Variants in CTNNBIP1 observed in about 807,000 individuals in gnomAD.
CTNNBIP1 encodes the protein beta-catenin-interacting protein 1.
Under a neutral mutation model 11.8 loss-of-function variants are expected in CTNNBIP1, and 7 were observed. The observed-to-expected ratio is 0.60, with a 90% CI of 0.34 to 1.12. The LOEUF (loss-of-function observed/expected upper bound fraction) is 1.12. CTNNBIP1 is among the 50% of genes most tolerant of loss of function. CTNNBIP1 has a pLI of 0.03. For synonymous variants in CTNNBIP1, 58 were observed against 43.9 expected (o/e 1.32, Z -1.26); for missense variants, 101 against 113.4 (o/e 0.89, Z 0.50).
chr1:9,871,085 A>C lies in CTNNBIP1; in HGVS notation c.187+102T>G, dbSNP rs759421005. 4 of 840,854 alleles carry C rather than the reference A, an allele frequency of 4.8e-6. No individual in the cohort carries two copies. Among genetic ancestry groups the C allele is most frequent in the Non-Finnish European group, 7.4e-6 (4 of 537,728 alleles). 52.1% of individuals were successfully genotyped at this position (840,854 alleles called of 1,614,324 possible). On this transcript the variant is annotated intron_variant, in intron 5 of 5. Coordinates refer to ENST00000377263, the MANE Select transcript of CTNNBIP1 (RefSeq NM_020248.3). This position sits in a 1 kb window ranked among gnomAD's most constrained non-coding sequence, Gnocchi z 5.2. ...TCCTAGTCAGCCCTGGGTCTCATGG[A>C]TCACCCATCAAAGAGGGCTGGAGCT...
chr1:9,894,824 T>C (rs1639376265), intron 1 of CTNNBIP1, among the ~76,000 whole-genome samples: 1 of 152,040 alleles, frequency 6.6e-6, no homozygotes, highest in South Asian at 2.1e-4. Context: ...CACTGCAATT[T>C]CCGCCTCCCG....
intron 5 of CTNNBIP1, among the ~76,000 whole-genome samples, chr1:9,862,834 GA>G (rs1359927004): frequency 6.6e-6 from 1 of 152,234 alleles, no homozygotes; most frequent in African/African-American, 2.4e-5. Flanking sequence ...GGGCAGTGCT[GA>G]GGGGTGGCAC....
chr1:9,849,160 C>T lies in CTNNBIP1; in HGVS notation c.*1558G>A, dbSNP rs1177362885. On this transcript the variant is annotated 3_prime_UTR_variant, in exon 6 of 6. Transcript: ENST00000377263. ...GGGAGATAGGAGGACCACCTCCCTC[C>T]CAGGGAAGGGGGTGGCAGGTGGAAG... 1 of 152,258 alleles carries T rather than the reference C, an allele frequency of 6.6e-6. No individual in the cohort carries two copies. Among genetic ancestry groups the T allele is most frequent in the Non-Finnish European group, 1.5e-5 (1 of 68,114 alleles). 9.4% of individuals were successfully genotyped at this position (152,258 alleles called of 1,614,324 possible). A position where few individuals can be genotyped will look rare whatever the true frequency, so the allele number is the denominator to read the frequency against.
At position 9,850,654 on chromosome 1, in the gene CTNNBIP1, G is replaced by T; in HGVS notation, c.*64C>A. 6.6e-7 allele frequency: 1 copy of T among 1,504,740 alleles called. No homozygotes were observed. The highest frequency in any genetic ancestry group is 9.3e-7 in the Non-Finnish European group (1 of 1,080,854). The allele number at this position is 1,504,740 out of a possible 1,614,324, so 93.2% of individuals were successfully genotyped here. ...AAGGGGGGCTGCTGCCACTCAGCCG[G>T]CCCAGGAGCCACACAGATCTCTTGG... On this transcript the variant is annotated 3_prime_UTR_variant, in exon 6 of 6. Coordinates refer to ENST00000377263, the MANE Select transcript of CTNNBIP1 (RefSeq NM_020248.3).
In CTNNBIP1 at chr1:9,872,219, G is replaced by A. The variant is rs1191317359; in HGVS notation, c.-24-131C>T. The A allele has an allele frequency of 6.2e-6, 4 of 649,740 alleles. No homozygotes were observed. The highest frequency in any genetic ancestry group is 3.6e-5 in the African/African-American group (2 of 55,678). The allele number at this position is 649,740 out of a possible 1,614,324, so 40.2% of individuals were successfully genotyped here. On this transcript the variant is annotated intron_variant, in intron 3 of 5. Coordinates refer to ENST00000377263, the MANE Select transcript of CTNNBIP1 (RefSeq NM_020248.3). The surrounding 1 kb of genome is among the most constrained non-coding windows in gnomAD (Gnocchi z 4.0). ...CCACAGTCTCCCTTCTGGGAGCATGGGGCAGGTGGCGAGGTGCTGGGTTCC... is the reference window on the plus strand; with the variant it reads ...CCACAGTCTCCCTTCTGGGAGCATGAGGCAGGTGGCGAGGTGCTGGGTTCC...
intron 1 of CTNNBIP1, among the ~76,000 whole-genome samples, chr1:9,899,117 G>C (rs927161251): frequency 4.6e-5 from 7 of 152,118 alleles, no homozygotes; most frequent in Non-Finnish European, 8.8e-5. Flanking sequence ...GGGAACCTGA[G>C]GATATGGAAG....
intron 1 of CTNNBIP1, among the ~76,000 whole-genome samples, chr1:9,907,594 T>C (rs1360143525): frequency 1.3e-5 from 2 of 152,148 alleles, no homozygotes; most frequent in African/African-American, 4.8e-5. Flanking sequence ...ATTTAAACAA[T>C]ACAACCGGAT....
intron 5 of CTNNBIP1, among the ~76,000 whole-genome samples, chr1:9,860,776 G>A (rs181633776): frequency 5.3e-5 from 8 of 152,202 alleles, no homozygotes; most frequent in East Asian, 3.9e-4. Flanking sequence ...TTCCCAGGAC[G>A]GTGTCAGACA....
At chr1:9,906,759 T>A (rs1410130131) in intron 1 of CTNNBIP1, among the ~76,000 whole-genome samples, 1 of 152,124 alleles carries the variant, frequency 6.6e-6, no homozygotes, top group African/African-American at 2.4e-5. Flanking sequence ...ATGAGGAGTC[T>A]ACAAGAAGCA....
chr1:9,873,598 C>T (rs377593797), intron 3 of CTNNBIP1, among the ~76,000 whole-genome samples: 1 of 152,156 alleles, frequency 6.6e-6, no homozygotes. Context: ...CCTTGCACCC[C>T]GAACCTGGGT....
Position 9,850,612 on chromosome 1 carries a change from G to A in CTNNBIP1, c.*106C>T. 3 of 961,068 alleles carry A rather than the reference G, an allele frequency of 3.1e-6. No individual in the cohort carries two copies. The highest frequency in any genetic ancestry group is 3.3e-6 in the Non-Finnish European group (2 of 605,256). The allele number at this position is 961,068 out of a possible 1,614,324, so 59.5% of individuals were successfully genotyped here. On this transcript the variant is annotated 3_prime_UTR_variant, in exon 6 of 6. Coordinates refer to ENST00000377263, the MANE Select transcript of CTNNBIP1 (RefSeq NM_020248.3). ...TGGGGCAGGGCAGGGTTGGGTAGGG[G>A]AAGGGGGAGGTGGGGCAAGGGGGGC...
rs138271667 is a variant in CTNNBIP1 at position 9,871,188 on chromosome 1, C to A, written c.186G>T (p.Gln62His). 2.8e-4 allele frequency: 445 copies of A among 1,567,884 alleles called. 2 individuals are homozygous for A. In the African/African-American group the frequency reaches 5.4e-3, roughly 19 times the overall value. The stretch of plus-strand genomic sequence containing the variant: ...CCAGCCCCTCTGCCGCCAACTCACC[C>A]TGGTCGATGGAGTGCGGAGGCAGCT... ...LSQLPPHSID[Q>H]GAEDVVMAFS... is the part of the protein sequence containing the mutation. The change falls in exon 5 of 6, where the codon CAG becomes CAT. Residue 62 changes from glutamine to histidine, a missense_variant and splice_region_variant. Transcript: ENST00000377263. This position sits in a 1 kb window ranked among gnomAD's most constrained non-coding sequence, Gnocchi z 5.2.
At chr1:9,908,519 T>C (rs1639665994) in intron 1 of CTNNBIP1, among the ~76,000 whole-genome samples, 1 of 151,148 alleles carries the variant, frequency 6.6e-6, no homozygotes, top group Non-Finnish European at 1.5e-5. Context: ...GGACTACAGG[T>C]GCCCACCACC....
At chr1:9,882,304 C>T (rs1639098664) in intron 2 of CTNNBIP1, among the ~76,000 whole-genome samples, 1 of 152,334 alleles carries the variant, frequency 6.6e-6, no homozygotes, top group South Asian at 2.1e-4. Flanking sequence ...AGCAAAAGAG[C>T]CACGGCTCAC....
chr1:9,898,535 A>T (rs1057132618), intron 1 of CTNNBIP1, among the ~76,000 whole-genome samples: 3 of 152,244 alleles, frequency 2.0e-5, no homozygotes, highest in Non-Finnish European at 2.9e-5. Flanking sequence ...AAGGGAAAAA[A>T]AAAATAAAAA....
chr1:9,884,922 GGCTGCGGTGGA>G (rs918098703), intron 1 of CTNNBIP1, among the ~76,000 whole-genome samples: 7 of 152,066 alleles, frequency 4.6e-5, no homozygotes, highest in African/African-American at 1.4e-4. Flanking sequence ...ACTGGGGTGG[GGCTGCGGTGGA>G]ACAGGCCCAG....
At chr1:9,908,909 G>A (rs1367054260) in intron 1 of CTNNBIP1, among the ~76,000 whole-genome samples, 4 of 152,182 alleles carry the variant, frequency 2.6e-5, no homozygotes, top group Non-Finnish European at 5.9e-5. Flanking sequence ...GAGGTGATTT[G>A]TATTTACAAG....
intron 2 of CTNNBIP1, chr1:9,878,252 A>C (rs1229888703): frequency 2.0e-5 from 3 of 152,376 alleles, no homozygotes; most frequent in African/African-American, 7.2e-5. Context: ...AGTCCGCTCA[A>C]CACCACACCC....
intron 5 of CTNNBIP1, among the ~76,000 whole-genome samples, chr1:9,852,058 G>T (rs988810635): frequency 6.6e-6 from 1 of 152,224 alleles, no homozygotes; most frequent in South Asian, 2.1e-4. Context: ...GGGGTGGATC[G>T]GAATAGGAGA....
Sources: gnomAD v4.1 joint callset for allele counts (sites outside exome capture counted in the v4.1 genomes callset) on GRCh38, gnomAD v4.1.1 for gene constraint, Gnocchi (gnomAD v3.1) non-coding constraint, MANE v1.5 for transcripts, NCBI Gene and HGNC (gene_info 2026-07-23, HGNC 2026-07-21) for gene names.